Variants in PCSK5 observed in about 807,000 individuals in gnomAD.
The protein encoded by PCSK5 is proprotein convertase subtilisin/kexin type 5.
Under a neutral mutation model 233.2 loss-of-function variants are expected in PCSK5, and 129 were observed. The observed-to-expected ratio is 0.55, with a 90% confidence interval of 0.48 to 0.64. The LOEUF is 0.64. Ranked by LOEUF, PCSK5 falls within the 30% of genes least tolerant of loss-of-function variation. The probability of loss-of-function intolerance (pLI) is 0.00; values close to 1 mark genes in which losing one functional copy is unlikely to be tolerated. For missense variants in PCSK5, 2,076 were observed against 2,430.1 expected, an observed-to-expected ratio of 0.85 and a Z score of 3.06; for synonymous variants, 825 against 879.2, an observed-to-expected ratio of 0.94 and a Z score of 1.09.
chr9:76,129,985 G>A (rs1262726606), intron 9 of PCSK5, among the ~76,000 whole-genome samples: 2 of 152,126 alleles, frequency 1.3e-5, no homozygotes, highest in Admixed American at 6.6e-5. Flanking sequence ...GAAGAGTCAC[G>A]TAGCCTGGCT....
At chr9:76,047,543 G>A (rs1326376740) in intron 5 of PCSK5, among the ~76,000 whole-genome samples, 1 of 152,126 alleles carries the variant, frequency 6.6e-6, no homozygotes, top group Non-Finnish European at 1.5e-5. Flanking sequence ...ATATACATTA[G>A]AGGTCAAGGT....
chr9:76,037,016 T>C (rs1392554964), intron 5 of PCSK5, among the ~76,000 whole-genome samples: 1 of 152,228 alleles, frequency 6.6e-6, no homozygotes, highest in Non-Finnish European at 1.5e-5. Flanking sequence ...GCTAATACCA[T>C]GTGTATGTGT....
intron 2 of PCSK5, among the ~76,000 whole-genome samples, chr9:75,983,555 G>A (rs924614130): frequency 6.6e-6 from 1 of 152,170 alleles, no homozygotes; most frequent in African/African-American, 2.4e-5. Flanking sequence ...TGTAGCACAT[G>A]TATGTTTAAA....
intron 21 of PCSK5, among the ~76,000 whole-genome samples, chr9:76,231,744 T>TCTGGG (rs2131316598): frequency 6.6e-6 from 1 of 152,292 alleles, no homozygotes; most frequent in African/African-American, 2.4e-5. Flanking sequence ...CCGCTAAAAA[T>TCTGGG]CTGGGCTGGG....
At chr9:75,909,291 ACTCCAGC>A (rs1322436556) in intron 1 of PCSK5, among the ~76,000 whole-genome samples, 3 of 151,494 alleles carry the variant, frequency 2.0e-5, no homozygotes, top group Non-Finnish European at 4.4e-5. Flanking sequence ...GCGCCACTGC[ACTCCAGC>A]CTGGGTGACA....
intron 1 of PCSK5, among the ~76,000 whole-genome samples, chr9:75,922,045 A>C (rs1359559858): frequency 2.6e-5 from 4 of 152,176 alleles, no homozygotes; most frequent in Admixed American, 6.5e-5. Context: ...TCATGTCAAC[A>C]GGGACTGTGT....
chr9:75,984,104 G>A (rs4745482), intron 2 of PCSK5, among the ~76,000 whole-genome samples: 1 of 152,232 alleles, frequency 6.6e-6, no homozygotes, highest in Admixed American at 6.5e-5. Context: ...CTGTAACTAA[G>A]CATTTTTGTT....
intron 5 of PCSK5, among the ~76,000 whole-genome samples, chr9:76,066,885 A>T (rs1224378473): frequency 1.3e-5 from 2 of 151,930 alleles, no homozygotes; most frequent in Non-Finnish European, 2.9e-5. Flanking sequence ...TAACTGTGCT[A>T]CTCTCGATGT....
At chr9:76,103,429 G>T (rs766952993) in intron 8 of PCSK5, among the ~76,000 whole-genome samples, 2 of 152,064 alleles carry the variant, frequency 1.3e-5, no homozygotes, top group Non-Finnish European at 2.9e-5. Context: ...CTTGACTGTG[G>T]GGTTGCTATA....
At chr9:75,992,858 A>G (rs1342301483) in intron 3 of PCSK5, among the ~76,000 whole-genome samples, 2 of 152,208 alleles carry the variant, frequency 1.3e-5, no homozygotes, top group African/African-American at 2.4e-5. Context: ...AAGGAAAAAA[A>G]ATTCATATTT....
chr9:76,247,417 T>C (rs1162975674), intron 24 of PCSK5, among the ~76,000 whole-genome samples: 1 of 152,202 alleles, frequency 6.6e-6, no homozygotes, highest in Non-Finnish European at 1.5e-5. Flanking sequence ...TCATTGTCCC[T>C]CCCTCTGTGC....
intron 10 of PCSK5, among the ~76,000 whole-genome samples, chr9:76,149,422 C>T (rs1433127105): frequency 1.3e-5 from 2 of 152,122 alleles, no homozygotes; most frequent in Non-Finnish European, 2.9e-5. Context: ...ATTCTCTATT[C>T]CCTTATCTTA....
intron 5 of PCSK5, among the ~76,000 whole-genome samples, chr9:76,060,447 T>C (rs1292092699): frequency 6.6e-6 from 1 of 152,132 alleles, no homozygotes; most frequent in Non-Finnish European, 1.5e-5. Context: ...CTCATCGCCT[T>C]CATATTGAAT....
rs138241262 is a variant in PCSK5 at position 76,068,039 on chromosome 9, C to T, written c.717C>T (p.Ile239=). The T allele has an allele frequency of 7.6e-4, 1,233 of 1,612,474 alleles. 6 individuals are homozygous for T. In the African/African-American group the frequency reaches 8.1e-3, roughly 11 times the overall value. Residue 239 remains isoleucine (I), a synonymous_variant, in exon 6 of 38, where the codon ATC becomes ATT. Transcript: ENST00000674117. ...TCGGAATTGCTTTCAACGCCAAGAT[C>T]GGAGGTATGGGAAACCAACTCACGT... The part of the protein sequence containing the change: ...CTVGIAFNAK[I]GGVRMLDGDV...
At chr9:76,126,815 G>A (rs959521052) in intron 9 of PCSK5, among the ~76,000 whole-genome samples, 1 of 152,260 alleles carries the variant, frequency 6.6e-6, no homozygotes, top group African/African-American at 2.4e-5. Context: ...ATTAGACGAT[G>A]AGAGATTACC....
intron 1 of PCSK5, among the ~76,000 whole-genome samples, chr9:75,927,638 G>T (rs919612838): frequency 2.0e-5 from 3 of 152,166 alleles, no homozygotes; most frequent in Non-Finnish European, 2.9e-5. Context: ...TGCCAGTGGT[G>T]AATGATTTCT....
chr9:76,264,316 A>G (rs1211668688), intron 24 of PCSK5, among the ~76,000 whole-genome samples: 1 of 152,220 alleles, frequency 6.6e-6, no homozygotes, highest in African/African-American at 2.4e-5. Context: ...CTCAAGATGG[A>G]TTAAAGATTT....
intron 2 of PCSK5, among the ~76,000 whole-genome samples, chr9:75,933,069 C>A (rs1823881363): frequency 6.6e-6 from 1 of 152,130 alleles, no homozygotes; most frequent in African/African-American, 2.4e-5. Flanking sequence ...TTGGGTTTTC[C>A]AGACGACGTA....
At chr9:75,899,716 T>G (rs1347813110) in intron 1 of PCSK5, among the ~76,000 whole-genome samples, 1 of 152,152 alleles carries the variant, frequency 6.6e-6, no homozygotes, top group African/African-American at 2.4e-5. Flanking sequence ...AAGTATAAAT[T>G]AGCACTCATC....
Sources: allele counts gnomAD v4.1 joint callset (sites outside exome capture counted in the v4.1 genomes callset), GRCh38; gene constraint gnomAD v4.1.1; transcripts MANE v1.5; gene names NCBI Gene and HGNC (gene_info 2026-07-23, HGNC 2026-07-21).